RAB23: variants seen among roughly 807,000 people sequenced by gnomAD.
RAB23 encodes ras-related protein Rab-23.
Under a neutral mutation model 30.0 loss-of-function variants are expected in RAB23, and 15 were observed. That is an observed-to-expected ratio of 0.50 (90% CI 0.33 to 0.77). The LOEUF (loss-of-function observed/expected upper bound fraction) is 0.77, where lower values mean the gene tolerates loss of function less well. Ranked by LOEUF, RAB23 falls within the 30% of genes least tolerant of loss-of-function variation. The pLI, the probability that RAB23 is intolerant of heterozygous loss-of-function variation, is 0.02. For missense variants in RAB23, 243 were observed against 275.4 expected, an observed-to-expected ratio of 0.88 and a Z score of 0.83; for synonymous variants, 93 against 94.0, an observed-to-expected ratio of 0.99 and a Z score of 0.06.
chr6:57,203,089 C>T (rs1020411799), intron 3 of RAB23, among the ~76,000 whole-genome samples: 1 of 149,078 alleles, frequency 6.7e-6, no homozygotes, highest in East Asian at 2.0e-4. Flanking sequence ...TCACTGCAGC[C>T]TCTGCCTCCT....
At chr6:57,218,306 A>G (rs1442165229) in intron 1 of RAB23, among the ~76,000 whole-genome samples, 1 of 152,262 alleles carries the variant, frequency 6.6e-6, no homozygotes, top group African/African-American at 2.4e-5. Context: ...AAAATCTTCA[A>G]CAAAGTATTA....
At chr6:57,190,634 T>C in intron 6 of RAB23, 34 bp from the exon 7 acceptor site, 1 of 1,610,944 alleles carries the variant, frequency 6.2e-7, no homozygotes, top group South Asian at 1.1e-5. Flanking sequence ...TGATTGCCAC[T>C]GACACGCCTG....
intron 3 of RAB23, among the ~76,000 whole-genome samples, chr6:57,203,251 C>T (rs536823208): frequency 6.1e-4 from 93 of 152,234 alleles, no homozygotes; most frequent in African/African-American, 2.1e-3. Flanking sequence ...GGTGACCTGC[C>T]GGCCGCAGCC....
At chr6:57,201,031 T>C (rs1765232952) in intron 3 of RAB23, among the ~76,000 whole-genome samples, 1 of 151,638 alleles carries the variant, frequency 6.6e-6, no homozygotes, top group African/African-American at 2.4e-5. Context: ...TGATCTCCCC[T>C]AGCCCCTTCT....
intron 2 of RAB23, among the ~76,000 whole-genome samples, chr6:57,209,352 T>A (rs1765564976): frequency 6.6e-6 from 1 of 152,314 alleles, no homozygotes; most frequent in Middle Eastern, 3.4e-3. Context: ...ACAATAAGGA[T>A]TGACTGCATA....
chr6:57,210,451 GT>G lies in RAB23; in HGVS notation c.-65-7del. On this transcript the variant is annotated splice_polypyrimidine_tract_variant and splice_region_variant and intron_variant, in intron 1 of 6. Transcript: ENST00000468148. ...TCAGATCTTCCCTCTCAAATCTGTGGTTTAAAATGAAATTATTTTTTCATAA... is the reference window on the plus strand; with the variant it reads ...TCAGATCTTCCCTCTCAAATCTGTGGTTAAAATGAAATTATTTTTTCATAA... The G allele has an allele frequency of 1.4e-6, 2 of 1,473,012 alleles. No homozygotes were observed. Among genetic ancestry groups the G allele is most frequent in the Non-Finnish European group, 1.9e-6 (2 of 1,057,556 alleles). The allele number at this position is 1,473,012 out of a possible 1,614,324, so 91.2% of individuals were successfully genotyped here. A position where few individuals can be genotyped will look rare whatever the true frequency, so the allele number is the denominator to read the frequency against.
At chr6:57,208,385 G>A (rs979592631) in intron 2 of RAB23, among the ~76,000 whole-genome samples, 2 of 152,016 alleles carry the variant, frequency 1.3e-5, no homozygotes, top group African/African-American at 2.4e-5. Context: ...GGTGGCTCAC[G>A]CCTGTAATCC....
At position 57,189,273 on chromosome 6, in the gene RAB23, G is replaced by GTGAT. The variant is rs139778770; in HGVS notation, c.*1184_*1187dup. On this transcript the variant is annotated 3_prime_UTR_variant, in exon 7 of 7. Coordinates refer to ENST00000468148, the MANE Select transcript of RAB23 (RefSeq NM_016277.5). ...CAAACAAGGTTATAGAAATGTTGAA[G>GTGAT]TGATTGATAATCTTAAAATACCATA... is the stretch of plus-strand genomic sequence containing the variant. The GTGAT allele has an allele frequency of 2.9e-3, 446 of 152,282 alleles. 2 individuals carry two copies. Among genetic ancestry groups the GTGAT allele is most frequent in the African/African-American group, 0.01 (427 of 41,558 alleles). 9.4% of individuals were successfully genotyped at this position (152,282 alleles called of 1,614,324 possible). A position where few individuals can be genotyped will look rare whatever the true frequency, so the allele number is the denominator to read the frequency against.
intron 5 of RAB23, 152 bp downstream of exon 5, chr6:57,194,618 C>T (rs1048768642): frequency 3.3e-6 from 2 of 609,046 alleles, no homozygotes; most frequent in Non-Finnish European, 5.8e-6. Flanking sequence ...TAAGCACTAA[C>T]AAAAAGAAGT....
At chr6:57,221,462 T>A (rs1315311084) in intron 1 of RAB23, 1 of 152,262 alleles carries the variant, frequency 6.6e-6, no homozygotes, top group Non-Finnish European at 1.5e-5. Context: ...AACAAGAAAC[T>A]AGGGAAGGGT....
At chr6:57,195,122 AC>A (rs905558504) in intron 4 of RAB23, among the ~76,000 whole-genome samples, 2 of 152,190 alleles carry the variant, frequency 1.3e-5, no homozygotes, top group African/African-American at 4.8e-5. Flanking sequence ...CAACTGTTAT[AC>A]CGTATGTGTA....
At position 57,189,847 on chromosome 6, in the gene RAB23, A is replaced by G. The variant is rs753221275; in HGVS notation, c.*614T>C. ...ATATACACAATATGTAAATGGTTTT[A>G]TAAGTGAATTAATTAGAATGTACAT... On this transcript the variant is annotated 3_prime_UTR_variant, in exon 7 of 7. Transcript: ENST00000468148. 4 of 154,006 alleles carry G rather than the reference A, an allele frequency of 2.6e-5. No homozygotes were observed. Among genetic ancestry groups the G allele is most frequent in the African/African-American group, 9.6e-5 (4 of 41,462 alleles). The allele number at this position is 154,006 out of a possible 1,614,324, so 9.5% of individuals were successfully genotyped here. A position where few individuals can be genotyped will look rare whatever the true frequency, so the allele number is the denominator to read the frequency against.
Position 57,190,596 on chromosome 6 carries a change from G to C in RAB23, c.579C>G (p.Val193=), listed in dbSNP as rs746274530. Residue 193 remains valine, a synonymous_variant, in exon 7 of 7, where the codon GTC becomes GTG. Coordinates refer to ENST00000468148, the MANE Select transcript of RAB23 (RefSeq NM_016277.5). ...LTHSSSNKIG[V]FNTSGGSHSG... Reference sequence around the variant, plus strand: ...AGTGACTTCCACCAGATGTATTAAAGACACCTGTATAAATTGAGGGAAAAG... The same window carrying C: ...AGTGACTTCCACCAGATGTATTAAACACACCTGTATAAATTGAGGGAAAAG... 1.2e-6 allele frequency: 2 copies of C among 1,613,890 alleles called. No homozygotes were observed. Among genetic ancestry groups the C allele is most frequent in the Non-Finnish European group, 1.7e-6 (2 of 1,179,842 alleles).
chr6:57,211,096 A>G (rs1053598545), intron 1 of RAB23, among the ~76,000 whole-genome samples: 26 of 152,340 alleles, frequency 1.7e-4, no homozygotes, highest in Non-Finnish European at 3.2e-4. Flanking sequence ...TAAGGCATGT[A>G]TGAGACATAA....
At chr6:57,211,983 C>T (rs1459035169) in intron 1 of RAB23, among the ~76,000 whole-genome samples, 1 of 152,194 alleles carries the variant, frequency 6.6e-6, no homozygotes, top group African/African-American at 2.4e-5. Flanking sequence ...CTTTACAAAC[C>T]TGAGTGATCA....
intron 3 of RAB23, 129 bp from the exon 4 acceptor site, chr6:57,196,735 T>C (rs1379392849): frequency 5.3e-6 from 6 of 1,138,338 alleles, no homozygotes; most frequent in Non-Finnish European, 7.6e-6. Context: ...TTTATGTAAA[T>C]AAATGTTGAA....
rs1764781390 is a variant in RAB23 at position 57,190,112 on chromosome 6, T to C, written c.*349A>G. On this transcript the variant is annotated 3_prime_UTR_variant, in exon 7 of 7. Transcript: ENST00000468148. ...AAGAATGCTTGCTATCTTTCCTTGA[T>C]CCACAGTATTAAAATCTGTAACAAT... The C allele has an allele frequency of 8.5e-6, 2 of 236,144 alleles. No homozygotes were observed. Among genetic ancestry groups the C allele is most frequent in the South Asian group, 6.1e-5 (1 of 16,284 alleles). The allele number at this position is 236,144 out of a possible 1,614,324, so 14.6% of individuals were successfully genotyped here.
At position 57,187,857 on chromosome 6, in the gene RAB23, T is replaced by TTTA. The variant is rs1183685982; in HGVS notation, c.*2601_*2603dup. On this transcript the variant is annotated 3_prime_UTR_variant, in exon 7 of 7. Transcript: ENST00000468148. ...TCATCCTCTTTTTGGTAGTTTTAGC[T>TTTA]TTATTTTGAAAAAGTAACGTGTGCT... 2.0e-5 allele frequency: 3 copies of TTTA among 152,110 alleles called. No homozygotes were observed. The East Asian group carries it at 5.8e-4, about 29-fold the overall frequency. 9.4% of individuals were successfully genotyped at this position (152,110 alleles called of 1,614,324 possible). A position where few individuals can be genotyped will look rare whatever the true frequency, so the allele number is the denominator to read the frequency against.
At chr6:57,214,619 G>A (rs1309305986) in intron 1 of RAB23, among the ~76,000 whole-genome samples, 8 of 152,246 alleles carry the variant, frequency 5.3e-5, no homozygotes, top group African/African-American at 1.9e-4. Context: ...TGTTTCAATG[G>A]AAGACAAGCA....
Sources: allele counts gnomAD v4.1 joint callset (sites outside exome capture counted in the v4.1 genomes callset), GRCh38; gene constraint gnomAD v4.1.1; transcripts MANE v1.5; gene names NCBI Gene and HGNC (gene_info 2026-07-23, HGNC 2026-07-21).